CCDC73: variants seen among roughly 807,000 people sequenced by gnomAD.
CCDC73 encodes coiled-coil domain containing 73.
A neutral mutation model predicts 116.5 loss-of-function variants in CCDC73; 95 were observed. That is an observed-to-expected ratio of 0.82 (90% CI 0.69 to 0.97). CCDC73 has a LOEUF of 0.97. Among genes scored for constraint, CCDC73 ranks in the 50% least tolerant of loss-of-function variants. CCDC73 has a pLI of 0.00. For missense variants in CCDC73, 1,066 were observed against 1,206.8 expected, an observed-to-expected ratio of 0.88 and a Z score of 1.73; for synonymous variants, 398 against 401.3, an observed-to-expected ratio of 0.99 and a Z score of 0.10.
At chr11:32,639,532 C>G (rs1855713771) in intron 13 of CCDC73, among the ~76,000 whole-genome samples, 1 of 151,994 alleles carries the variant, frequency 6.6e-6, no homozygotes, top group Non-Finnish European at 1.5e-5. Flanking sequence ...TCACTGCAAC[C>G]TCCACCTCCT....
chr11:32,626,450 T>C (rs1855574852), intron 14 of CCDC73, among the ~76,000 whole-genome samples: 1 of 152,040 alleles, frequency 6.6e-6, no homozygotes, highest in African/African-American at 2.4e-5. Context: ...TACCAATGAC[T>C]TTCTTCACAG....
chr11:32,794,129 A>G (rs956497627), intron 1 of CCDC73, among the ~76,000 whole-genome samples: 2 of 152,172 alleles, frequency 1.3e-5, no homozygotes, highest in African/African-American at 4.8e-5. Flanking sequence ...GCAAAAAGTA[A>G]CGTTCACCAA....
intron 2 of CCDC73, among the ~76,000 whole-genome samples, chr11:32,751,388 A>C (rs1312403984): frequency 6.6e-6 from 1 of 152,130 alleles, no homozygotes; most frequent in Non-Finnish European, 1.5e-5. Context: ...CTCTGAGACC[A>C]GTACAGCACT....
intron 5 of CCDC73, 29 bp downstream of exon 5, chr11:32,700,762 A>G (rs1849804511): frequency 8.8e-7 from 1 of 1,138,964 alleles, no homozygotes; most frequent in Non-Finnish European, 1.2e-6. Flanking sequence ...TTTTTAATAG[A>G]CAGAAAATTT....
At chr11:32,638,519 T>G (rs959136486) in intron 13 of CCDC73, among the ~76,000 whole-genome samples, 5 of 152,138 alleles carry the variant, frequency 3.3e-5, no homozygotes, top group African/African-American at 1.2e-4. Flanking sequence ...TCTTGTTCTC[T>G]CGCCAGGCTG....
upstream of CCDC73, among the ~76,000 whole-genome samples, chr11:32,798,915 T>TGGG (rs35135170): frequency 0.089 from 12,713 of 142,236 alleles, 750 homozygotes; most frequent in Non-Finnish European, 0.13. Context: ...TTGTTTGTTT[T>TGGG]GGGGGGGGGC....
Position 32,732,435 on chromosome 11 carries a change from T to A in CCDC73, c.136-14288A>T, listed in dbSNP as rs543165914. Among the ~76,000 whole-genome samples, 7 of 152,044 alleles carry A rather than the reference T, an allele frequency of 4.6e-5. No individual in the cohort carries two copies. In the South Asian group the frequency reaches 8.3e-4, roughly 18 times the overall value. On this transcript the variant is annotated intron_variant, in intron 2 of 17. Transcript: ENST00000335185. Reference sequence around the variant, plus strand: ...ACAGAGAACACCACAAAGATACTCCTCATGAAGAGCAACTCCAAGACACAT... The same window carrying A: ...ACAGAGAACACCACAAAGATACTCCACATGAAGAGCAACTCCAAGACACAT...
At chr11:32,818,840 T>C in the CCDC73 span, among the ~76,000 whole-genome samples, 264 of 152,342 alleles carry the variant, frequency 1.7e-3, 2 homozygotes, top group Middle Eastern at 3.4e-3. Flanking sequence ...ATTCCATTTA[T>C]ATGAAATGTC....
chr11:32,778,420 A>C (rs1254790207), intron 1 of CCDC73, among the ~76,000 whole-genome samples: 1 of 152,242 alleles, frequency 6.6e-6, no homozygotes, highest in East Asian at 1.9e-4. Context: ...TAATTTATCA[A>C]ATGCTGAGTT....
chr11:32,727,428 A>G (rs899791662), intron 2 of CCDC73, among the ~76,000 whole-genome samples: 1 of 152,218 alleles, frequency 6.6e-6, no homozygotes, highest in African/African-American at 2.4e-5. Context: ...GGAATAGCAA[A>G]CAATTTTGAA....
At chr11:32,824,590 AG>A in the CCDC73 span, among the ~76,000 whole-genome samples, 1 of 152,186 alleles carries the variant, frequency 6.6e-6, no homozygotes, top group Non-Finnish European at 1.5e-5. Context: ...CTTAAAAACC[AG>A]GAAGTCCTGC....
At chr11:32,620,332 T>C (rs746046315) in intron 14 of CCDC73, among the ~76,000 whole-genome samples, 2 of 151,932 alleles carry the variant, frequency 1.3e-5, no homozygotes, top group Non-Finnish European at 2.9e-5. Flanking sequence ...GTTGAGAGGG[T>C]GGGAGAAGGA....
intron 17 of CCDC73, chr11:32,603,374 T>C (rs12789734): frequency 0.084 from 14,565 of 173,744 alleles, 712 homozygotes; most frequent in South Asian, 0.12. Context: ...TTAAAAATAG[T>C]GTGTTAAATA....
upstream of CCDC73, among the ~76,000 whole-genome samples, chr11:32,797,654 CTG>C (rs1294242523): frequency 6.6e-6 from 1 of 152,196 alleles, no homozygotes; most frequent in African/African-American, 2.4e-5. Flanking sequence ...TCCTAATAGA[CTG>C]TGAACTTTTT....
At chr11:32,830,417 A>T in the CCDC73 span, 1 of 1,089,350 alleles carries the variant, frequency 9.2e-7, no homozygotes, top group Non-Finnish European at 1.2e-6. Flanking sequence ...CTAGGCTTTG[A>T]GTACAACAGG....
chr11:32,638,820 T>C (rs1231711111), intron 13 of CCDC73, among the ~76,000 whole-genome samples: 1 of 150,076 alleles, frequency 6.7e-6, no homozygotes, highest in South Asian at 2.1e-4. Flanking sequence ...CAGGATGGAA[T>C]GGGAAGGGTG....
At chr11:32,688,624 G>A (rs1856226535) in intron 6 of CCDC73, among the ~76,000 whole-genome samples, 1 of 152,140 alleles carries the variant, frequency 6.6e-6, no homozygotes, top group Non-Finnish European at 1.5e-5. Flanking sequence ...TTGTAAGAAT[G>A]ATATACTATG....
At chr11:32,671,189 C>G (rs1856034643) in intron 9 of CCDC73, among the ~76,000 whole-genome samples, 3 of 151,986 alleles carry the variant, frequency 2.0e-5, no homozygotes, top group African/African-American at 2.4e-5. Context: ...CTCCTTCACC[C>G]CTCCCTTTCT....
intron 5 of CCDC73, 147 bp downstream of exon 5, chr11:32,700,644 G>T: frequency 2.3e-6 from 1 of 438,628 alleles, no homozygotes; most frequent in Non-Finnish European, 4.2e-6. Flanking sequence ...ATTTTAAGCA[G>T]TTAACCATCT....
Sources: allele counts gnomAD v4.1 joint callset (sites outside exome capture counted in the v4.1 genomes callset), GRCh38; gene constraint gnomAD v4.1.1; transcripts MANE v1.5; gene names NCBI Gene and HGNC (gene_info 2026-07-23, HGNC 2026-07-21).